Variants in AKAP19 observed in about 807,000 individuals in gnomAD.
AKAP19 encodes small A-kinase anchoring protein.
the AKAP19 span, among the ~76,000 whole-genome samples, chr2:189,973,378 C>T: frequency 7.2e-5 from 11 of 152,028 alleles, no homozygotes; most frequent in East Asian, 3.9e-4. Flanking sequence ...CTGCTGGATT[C>T]GGTTTGCCAG....
the AKAP19 span, among the ~76,000 whole-genome samples, chr2:190,050,904 G>A: frequency 0.093 from 14,077 of 151,608 alleles, 1,404 homozygotes; most frequent in African/African-American, 0.24. Context: ...ATTTGAGAAC[G>A]GGGGGATATG....
chr2:189,923,244 C>T, the AKAP19 span: 2 of 1,320,204 alleles, frequency 1.5e-6, no homozygotes, highest in East Asian at 2.3e-5. Flanking sequence ...GGCTTCTCTA[C>T]GCAGAACCCG....
At chr2:190,132,459 G>A in the AKAP19 span, among the ~76,000 whole-genome samples, 2 of 152,040 alleles carry the variant, frequency 1.3e-5, no homozygotes, top group East Asian at 1.9e-4. Flanking sequence ...ACAGAATAGA[G>A]AGCCCAGAAA....
chr2:190,173,952 TGTCACCTGCTCTGTCCTTA>T, the AKAP19 span, among the ~76,000 whole-genome samples: 4 of 152,296 alleles, frequency 2.6e-5, no homozygotes, highest in South Asian at 8.3e-4. Flanking sequence ...TCCTAGCTTC[TGTCACCTGCTCTGTCCTTA>T]GTCACCTGCT....
the AKAP19 span, among the ~76,000 whole-genome samples, chr2:190,164,511 C>T: frequency 1.3e-5 from 2 of 152,062 alleles, no homozygotes; most frequent in Non-Finnish European, 2.9e-5. Flanking sequence ...GCCTGGGCAA[C>T]AGAGCCAGAC....
chr2:189,964,852 TC>T, the AKAP19 span, among the ~76,000 whole-genome samples: 1 of 152,220 alleles, frequency 6.6e-6, no homozygotes, highest in Non-Finnish European at 1.5e-5. Context: ...AACTCAAACT[TC>T]CTCCTTACTG....
At chr2:190,012,616 A>G in the AKAP19 span, among the ~76,000 whole-genome samples, 10 of 152,308 alleles carry the variant, frequency 6.6e-5, no homozygotes, top group Middle Eastern at 0.01. Flanking sequence ...TATCTTGCCT[A>G]ATTACTCTGG....
At chr2:189,950,821 A>AG in the AKAP19 span, among the ~76,000 whole-genome samples, 36 of 152,342 alleles carry the variant, frequency 2.4e-4, no homozygotes, top group African/African-American at 8.2e-4. Context: ...AAAAGGATTG[A>AG]GATCTCAACT....
At chr2:190,026,648 CAAATGACAGA>C in the AKAP19 span, among the ~76,000 whole-genome samples, 6 of 152,262 alleles carry the variant, frequency 3.9e-5, no homozygotes, top group South Asian at 1.0e-3. Context: ...TGAGTACCTC[CAAATGACAGA>C]ATCTACCAGA....
the AKAP19 span, among the ~76,000 whole-genome samples, chr2:189,976,050 G>A: frequency 6.6e-6 from 1 of 152,170 alleles, no homozygotes; most frequent in Admixed American, 6.5e-5. Flanking sequence ...GAGGGGGAGA[G>A]GTGCTCTGAT....
At chr2:189,924,415 CTAG>C in the AKAP19 span, among the ~76,000 whole-genome samples, 2 of 152,102 alleles carry the variant, frequency 1.3e-5, no homozygotes, top group East Asian at 1.9e-4. Context: ...TTTGACGCTC[CTAG>C]TAGTTTTGTT....
chr2:189,908,683 G>T, the AKAP19 span, among the ~76,000 whole-genome samples: 14 of 152,098 alleles, frequency 9.2e-5, no homozygotes, highest in African/African-American at 3.1e-4. Context: ...TCCAGTTATT[G>T]ATTTCTAGTT....
the AKAP19 span, among the ~76,000 whole-genome samples, chr2:190,154,466 C>T: frequency 6.6e-6 from 1 of 152,218 alleles, no homozygotes; most frequent in African/African-American, 2.4e-5. Context: ...CACAGATATT[C>T]ATAACTAATC....
At chr2:189,932,809 T>G in the AKAP19 span, among the ~76,000 whole-genome samples, 2 of 152,172 alleles carry the variant, frequency 1.3e-5, no homozygotes, top group Admixed American at 6.5e-5. Flanking sequence ...TTTTATTGAC[T>G]GAATATGTCT....
chr2:190,147,128 T>G, the AKAP19 span, among the ~76,000 whole-genome samples: 1 of 152,236 alleles, frequency 6.6e-6, no homozygotes, highest in Admixed American at 6.5e-5. Flanking sequence ...ATTTTTATAG[T>G]TTCAGGTCTT....
At chr2:190,002,945 A>G in the AKAP19 span, among the ~76,000 whole-genome samples, 1 of 152,028 alleles carries the variant, frequency 6.6e-6, no homozygotes, top group Non-Finnish European at 1.5e-5. Context: ...AAGCATGCCA[A>G]TACAACTCCA....
chr2:190,105,120 T>G, the AKAP19 span, among the ~76,000 whole-genome samples: 2 of 152,134 alleles, frequency 1.3e-5, no homozygotes, highest in African/African-American at 4.8e-5. Context: ...GACCCAGCAA[T>G]TCCATTACTG....
the AKAP19 span, among the ~76,000 whole-genome samples, chr2:190,030,717 A>C: frequency 6.6e-6 from 1 of 152,222 alleles, no homozygotes; most frequent in Admixed American, 6.5e-5. Context: ...GATCATCACA[A>C]TATATAACTT....
chr2:190,179,974 T>C, the AKAP19 span, among the ~76,000 whole-genome samples: 2 of 152,310 alleles, frequency 1.3e-5, no homozygotes, highest in African/African-American at 4.8e-5. This position sits in a 1 kb window ranked among gnomAD's most constrained non-coding sequence, Gnocchi z 6.0. Context: ...GAAGTGTAAC[T>C]CAATAATGGC....
Sources: gnomAD v4.1 joint callset for allele counts (sites outside exome capture counted in the v4.1 genomes callset) on GRCh38, gnomAD v4.1.1 for gene constraint, Gnocchi (gnomAD v3.1) non-coding constraint, MANE v1.5 for transcripts, NCBI Gene and HGNC (gene_info 2026-07-23, HGNC 2026-07-21) for gene names.